Variants in SLC4A11 observed in about 807,000 individuals in gnomAD.
SLC4A11 encodes bicarbonate transporter related protein 1.
A neutral mutation model predicts 95.0 loss-of-function variants in SLC4A11; 74 were observed. The observed-to-expected ratio is 0.78, with a 90% CI of 0.65 to 0.95. SLC4A11 has a LOEUF of 0.95. Among genes scored for constraint, SLC4A11 ranks in the 40% least tolerant of loss-of-function variants. The pLI is 0.00. For synonymous variants in SLC4A11, 548 were observed against 519.0 expected (o/e 1.06, Z -0.76); for missense variants, 1,081 against 1,192.4 (o/e 0.91, Z 1.38).
chr20:3,227,834 T>G lies in SLC4A11; in HGVS notation c.2581A>C (p.Ile861Leu). ...ATGACATCCAAGTACTTGGCTTCAA[T>G]GATTCGGGGCAGCAGGATATAGCTG... ...PIRYILLPRI[I>L]EAKYLDVMDA... The change falls in exon 20 of 20, where the codon ATT (isoleucine) becomes CTT (leucine). Residue 861 changes from isoleucine (I) to leucine (L), a missense_variant. Physicochemically the swap from Ile to Leu is conservative, Grantham distance 5. Coordinates refer to ENST00000642402, the MANE Select transcript of SLC4A11 (RefSeq NM_001174089.2). 2 of 1,613,114 alleles carry G rather than the reference T, an allele frequency of 1.2e-6. No individual in the cohort carries two copies. Among genetic ancestry groups the G allele is most frequent in the Non-Finnish European group, 1.7e-6 (2 of 1,179,842 alleles).
chr20:3,228,391 G>C lies in SLC4A11; in HGVS notation c.2426C>G (p.Pro809Arg), dbSNP rs1438818124. ...CGTGAAGTAGTGGATCTTCCTCTGG[G>C]GCACCCTCCGGATGTAGTGTGTCGG... ...YPPTHYIRRV[P>R]QRKIHYFTGL... The change falls in exon 19 of 20, where the codon CCC becomes CGC. Residue 809 changes from proline (P) to arginine (R), a missense_variant. Physicochemically the swap from Pro to Arg is moderately radical, Grantham distance 103. Coordinates refer to ENST00000642402, the MANE Select transcript of SLC4A11 (RefSeq NM_001174089.2). The C allele has an allele frequency of 6.2e-7, 1 of 1,613,212 alleles. No homozygotes were observed. The highest frequency in any genetic ancestry group is 1.3e-5 in the African/African-American group (1 of 74,922).
At chr20:3,235,341 ACACACACACACACG>A (rs2067946181) in intron 2 of SLC4A11, among the ~76,000 whole-genome samples, 1 of 134,156 alleles carries the variant, frequency 7.5e-6, no homozygotes, top group Non-Finnish European at 1.7e-5. Flanking sequence ...ACACACACAC[ACACACACACACACG>A]CTGCCTTGTG....
chr20:3,230,965 G>T lies in SLC4A11; in HGVS notation c.1136C>A (p.Ser379Tyr), dbSNP rs1170957177. The T allele has an allele frequency of 3.7e-6, 6 of 1,613,660 alleles. No individual in the cohort carries two copies. The highest frequency in any genetic ancestry group is 5.1e-6 in the Non-Finnish European group (6 of 1,179,968). Reference protein sequence around the residue: ...ACLLPTIAFGSLNDENTDGAI... With the variant: ...ACLLPTIAFGYLNDENTDGAI... ...CCCGTCTGTGTTCTCGTCATTGAGA[G>T]ACCCGAAAGCGATGGTGGGCAGGAG... Residue 379 changes from serine to tyrosine, a missense_variant, in exon 10 of 20, where the codon TCT becomes TAT. Around this residue, in one of 3 missense-constraint regions of SLC4A11, gnomAD observed 767 missense variants for 858.0 expected, o/e 0.89. Transcript: ENST00000642402.
chr20:3,231,175 G>C lies in SLC4A11; in HGVS notation c.1016C>G (p.Pro339Arg). The change falls in exon 9 of 20, where the codon CCC becomes CGC. Residue 339 changes from proline (P) to arginine (R), a missense_variant. Around this residue, in one of 3 missense-constraint regions of SLC4A11, gnomAD observed 767 missense variants for 858.0 expected, o/e 0.89. Coordinates refer to ENST00000642402, the MANE Select transcript of SLC4A11 (RefSeq NM_001174089.2). This position sits in a 1 kb window ranked among gnomAD's most constrained non-coding sequence, Gnocchi z 5.2. ...ATCAGTGAAGTCCAAGGGGTACAAG[G>C]GGAACCTGCGTGCGATGTCCTCCCG... ...GIREDIARRF[P>R]LYPLDFTDGI... The C allele has an allele frequency of 6.2e-7, 1 of 1,614,146 alleles. No individual in the cohort carries two copies. The highest frequency in any genetic ancestry group is 8.5e-7 in the Non-Finnish European group (1 of 1,180,022).
Position 3,231,563 on chromosome 20 carries a change from T to A in SLC4A11, c.730-15A>T. On this transcript the variant is annotated splice_polypyrimidine_tract_variant and intron_variant, in intron 7 of 19. Transcript: ENST00000642402. The surrounding 1 kb of genome is among the most constrained non-coding windows in gnomAD (Gnocchi z 5.2). ...TTAGTGCTTTTCTAGGGGTGGAGGA[T>A]GGGAGTCACCCCTAGAAACAGAGGA... The A allele has an allele frequency of 6.2e-7, 1 of 1,602,230 alleles. No individual in the cohort carries two copies. The highest frequency in any genetic ancestry group is 8.5e-7 in the Non-Finnish European group (1 of 1,176,164).
In SLC4A11 at chr20:3,234,077, C is replaced by A; in HGVS notation, c.523+6G>T. 1.9e-6 allele frequency: 3 copies of A among 1,613,906 alleles called. No individual in the cohort carries two copies. The highest frequency in any genetic ancestry group is 3.3e-5 in the Admixed American group (2 of 60,036). On this transcript the variant is annotated splice_donor_region_variant and intron_variant, in intron 5 of 19. Coordinates refer to ENST00000642402, the MANE Select transcript of SLC4A11 (RefSeq NM_001174089.2). This position sits in a 1 kb window ranked among gnomAD's most constrained non-coding sequence, Gnocchi z 5.8. ...GCCCCCGCCCGGGCCGGGAGACCGGCCTCACCTTTACCCCGCATGGGTGCC... is the reference window on the plus strand; with the variant it reads ...GCCCCCGCCCGGGCCGGGAGACCGGACTCACCTTTACCCCGCATGGGTGCC...
chr20:3,231,080 G>C lies in SLC4A11; in HGVS notation c.1043-22C>G. 5 of 1,614,126 alleles carry C rather than the reference G, an allele frequency of 3.1e-6. No individual in the cohort carries two copies. Among genetic ancestry groups the C allele is most frequent in the Non-Finnish European group, 3.4e-6 (4 of 1,180,010 alleles). On this transcript the variant is annotated intron_variant, in intron 9 of 19. Transcript: ENST00000642402. This position sits in a 1 kb window ranked among gnomAD's most constrained non-coding sequence, Gnocchi z 5.2. ...ATGCCTAGGAATGGGGGATGGGAGA[G>C]AGGGTTTGCTGGGGATGCAGGACAG...
Position 3,231,183 on chromosome 20 carries a change from G to A in SLC4A11, c.1008C>T (p.Arg336=). The change falls in exon 9 of 20, where the codon CGC becomes CGT. Residue 336 remains arginine (R), a synonymous_variant. Coordinates refer to ENST00000642402, the MANE Select transcript of SLC4A11 (RefSeq NM_001174089.2). This position sits in a 1 kb window ranked among gnomAD's most constrained non-coding sequence, Gnocchi z 5.2. ...FGKGIREDIA[R]RFPLYPLDFT... ...AGTCCAAGGGGTACAAGGGGAACCTGCGTGCGATGTCCTCCCGGATGCCCT... is the reference window on the plus strand; with the variant it reads ...AGTCCAAGGGGTACAAGGGGAACCTACGTGCGATGTCCTCCCGGATGCCCT... 6.2e-7 allele frequency: 1 copy of A among 1,614,146 alleles called. No homozygotes were observed. Among genetic ancestry groups the A allele is most frequent in the Admixed American group, 1.7e-5 (1 of 60,030 alleles).
At chr20:3,237,646 T>C (rs189114873) in intron 1 of SLC4A11, 58 bp from the exon 2 acceptor site, 1 of 1,614,076 alleles carries the variant, frequency 6.2e-7, no homozygotes, top group African/African-American at 1.3e-5. Flanking sequence ...ACCTCCTGTG[T>C]GCACCTGTCT....
At position 3,229,022 on chromosome 20, in the gene SLC4A11, C is replaced by G. The variant is rs374030135; in HGVS notation, c.2019-11G>C. ...GTGCCCTTCACCAGCCTGCAGCAGA[C>G]GGGCACTCGTGGACAGAGCCCCACA... On this transcript the variant is annotated splice_polypyrimidine_tract_variant and intron_variant, in intron 16 of 19. Coordinates refer to ENST00000642402, the MANE Select transcript of SLC4A11 (RefSeq NM_001174089.2). 6.2e-7 allele frequency: 1 copy of G among 1,611,926 alleles called. No individual in the cohort carries two copies. Among genetic ancestry groups the G allele is most frequent in the African/African-American group, 1.3e-5 (1 of 74,908 alleles).
chr20:3,233,787 C>T (rs2122592708), intron 6 of SLC4A11, 134 bp downstream of exon 6: 2 of 1,511,512 alleles, frequency 1.3e-6, no homozygotes, highest in Middle Eastern at 4.3e-4. Context: ...GTGCTCCAGC[C>T]CTCTTCTCCC....
At chr20:3,237,958 GC>G (rs1568548005) in intron 1 of SLC4A11, 6 of 1,550,498 alleles carry the variant, frequency 3.9e-6, no homozygotes, top group Admixed American at 3.9e-5. Context: ...AAGGGACCGG[GC>G]CCGAGCGGGC....
At position 3,234,599 on chromosome 20, in the gene SLC4A11, C is replaced by T. The variant is rs1306554403; in HGVS notation, c.260G>A (p.Gly87Asp). 2 of 1,613,782 alleles carry T rather than the reference C, an allele frequency of 1.2e-6. No individual in the cohort carries two copies. Residue 87 changes from glycine to aspartate, a missense_variant, in exon 4 of 20, where the codon GGT becomes GAT. Around this residue, in one of 3 missense-constraint regions of SLC4A11, gnomAD observed 310 missense variants for 313.5 expected, o/e 0.99. Transcript: ENST00000642402. This position sits in a 1 kb window ranked among gnomAD's most constrained non-coding sequence, Gnocchi z 5.8. ...GGAGGTGTGCAGGAGCACACAGCCA[C>T]CGGAAGTCGCTTCATTCTCTGCCGG... is the stretch of plus-strand genomic sequence containing the variant. ...ATNTENEATS[G>D]GCVLLHTSRK...
At position 3,234,679 on chromosome 20, in the gene SLC4A11, G is replaced by A. The variant is rs2067909529; in HGVS notation, c.242-62C>T. On this transcript the variant is annotated intron_variant, in intron 3 of 19. Coordinates refer to ENST00000642402, the MANE Select transcript of SLC4A11 (RefSeq NM_001174089.2). The surrounding 1 kb of genome is among the most constrained non-coding windows in gnomAD (Gnocchi z 5.8). ...CCTCTCCTCAGGTCTTTCTTAGTAA[G>A]GCGAGTCACACCTGCCCAGTCCCGT... 2 of 1,613,830 alleles carry A rather than the reference G, an allele frequency of 1.2e-6. No homozygotes were observed. The highest frequency in any genetic ancestry group is 1.7e-6 in the Non-Finnish European group (2 of 1,179,982).
rs2067890916 is a variant in SLC4A11, at chr20:3,234,244, G to T, written c.362C>A (p.Ala121Asp). ...HRDLDGFLAQ[A>D]SIVLNETATS... ...GGCCGTCTCGTTCAGGACGATGCTG[G>T]CCTGCGCCAGGAAGCCATCTAGGTC... Residue 121 changes from alanine to aspartate, a missense_variant, in exon 5 of 20, where the codon GCC becomes GAC. By Grantham distance (126) the Ala-to-Asp change is moderately radical (BLOSUM62 -2). Coordinates refer to ENST00000642402, the MANE Select transcript of SLC4A11 (RefSeq NM_001174089.2). The surrounding 1 kb of genome is among the most constrained non-coding windows in gnomAD (Gnocchi z 5.8). The T allele has an allele frequency of 1.2e-5, 19 of 1,614,062 alleles. No homozygotes were observed. The highest frequency in any genetic ancestry group is 1.6e-5 in the Non-Finnish European group (19 of 1,180,034).
chr20:3,230,745 C>G lies in SLC4A11; in HGVS notation c.1269G>C (p.Ala423=). ...LVILLTTAPL[A]LYIQVIRVIC... ...CCCCCACTGCACCCTGGATGTAGAG[C>G]GCCAGGGGCGCGGTGGTCAGCAGAA... is the stretch of plus-strand genomic sequence containing the variant. The change falls in exon 11 of 20, where the codon GCG becomes GCC. Residue 423 remains alanine, a synonymous_variant. Coordinates refer to ENST00000642402, the MANE Select transcript of SLC4A11 (RefSeq NM_001174089.2). The G allele has an allele frequency of 1.2e-6, 2 of 1,613,270 alleles. No individual in the cohort carries two copies. Among genetic ancestry groups the G allele is most frequent in the Non-Finnish European group, 1.7e-6 (2 of 1,180,002 alleles).
At chr20:3,238,254 T>G in intron 1 of SLC4A11, 8 of 1,272,650 alleles carry the variant, frequency 6.3e-6, no homozygotes, top group African/African-American at 1.5e-5. Context: ...GCGCCCTCCC[T>G]GGGCCGGTCC....
chr20:3,238,944 C>T (rs2068073274), intron 1 of SLC4A11, 151 bp downstream of exon 1: 3 of 1,265,966 alleles, frequency 2.4e-6, no homozygotes, highest in Non-Finnish European at 3.0e-6. Context: ...GCGCCCTCCT[C>T]CCCGCGGCTG....
At chr20:3,236,187 C>T (rs2067976069) in intron 2 of SLC4A11, among the ~76,000 whole-genome samples, 1 of 152,154 alleles carries the variant, frequency 6.6e-6, no homozygotes, top group Non-Finnish European at 1.5e-5. Context: ...CCCCCAGTGT[C>T]CTGAGTTTAG....
Sources: gnomAD v4.1 joint callset for allele counts (sites outside exome capture counted in the v4.1 genomes callset) on GRCh38, gnomAD v4.1.1 for gene constraint, gnomAD v4.1.1 regional missense constraint, Gnocchi (gnomAD v3.1) non-coding constraint, MANE v1.5 for transcripts, NCBI Gene and HGNC (gene_info 2026-07-23, HGNC 2026-07-21) for gene names.